STOX2: variants seen among roughly 807,000 people sequenced by gnomAD.
The protein encoded by STOX2 is storkhead box 2.
Under a neutral mutation model 60.9 loss-of-function variants are expected in STOX2, and 28 were observed. That is an observed-to-expected ratio of 0.46 (90% CI 0.34 to 0.63). The LOEUF (loss-of-function observed/expected upper bound fraction) is 0.63. STOX2 is among the 30% of genes least tolerant of loss of function. The probability of loss-of-function intolerance (pLI) is 0.01; values close to 1 mark genes in which losing one functional copy is unlikely to be tolerated. For missense variants in STOX2, 1,024 were observed against 1,187.7 expected (o/e 0.86, Z 2.03); for synonymous variants, 472 against 463.9 (o/e 1.02, Z -0.22).
intron 1 of STOX2, among the ~76,000 whole-genome samples, chr4:183,963,952 T>A (rs923231805): frequency 6.0e-5 from 9 of 150,594 alleles, no homozygotes. Flanking sequence ...ATTTTTTGTA[T>A]TTTTAGTAGA....
At chr4:183,869,309 A>G (rs7680563) in intron 1 of STOX2, among the ~76,000 whole-genome samples, 148,674 of 152,332 alleles carry the variant, frequency 0.98, 72,652 homozygotes, top group East Asian at 1. Flanking sequence ...ACTGACTGTC[A>G]TTGAGAGCTG....
chr4:183,966,445 T>C (rs1035565748), intron 1 of STOX2, among the ~76,000 whole-genome samples: 2 of 152,262 alleles, frequency 1.3e-5, no homozygotes, highest in African/African-American at 4.8e-5. Flanking sequence ...CACAGTGCCC[T>C]GAGTCAGTTC....
rs1740543767 is a variant in STOX2, at chr4:183,865,508, G to C, written c.364+67453G>C. 1.3e-5 allele frequency among the ~76,000 whole-genome samples: 2 copies of C among 152,150 alleles called. No homozygotes were observed. Among genetic ancestry groups the C allele is most frequent in the Admixed American group, 1.3e-4 (2 of 15,286 alleles). Reference sequence around the variant, plus strand: ...GCTTACGGTCTGTTTGGGGAGATAAGTATTATAATACAATTTAATAAAAGA... The same window carrying C: ...GCTTACGGTCTGTTTGGGGAGATAACTATTATAATACAATTTAATAAAAGA... On this transcript the variant is annotated intron_variant, in intron 1 of 2. Transcript: ENST00000513034. This position sits in a 1 kb window ranked among gnomAD's most constrained non-coding sequence, Gnocchi z 4.1.
intron 1 of STOX2, among the ~76,000 whole-genome samples, chr4:183,891,943 T>G (rs920308381): frequency 3.9e-5 from 6 of 152,238 alleles, no homozygotes; most frequent in African/African-American, 1.4e-4. Flanking sequence ...TGGTTGCTTT[T>G]GTTTTCCCCA....
chr4:183,854,791 C>T (rs1381073711), intron 1 of STOX2, among the ~76,000 whole-genome samples: 1 of 152,144 alleles, frequency 6.6e-6, no homozygotes, highest in Non-Finnish European at 1.5e-5. Flanking sequence ...TTGGAGAAGT[C>T]AGCCAATTAT....
At chr4:183,980,266 A>G (rs1451669654) in intron 1 of STOX2, among the ~76,000 whole-genome samples, 1 of 152,182 alleles carries the variant, frequency 6.6e-6, no homozygotes, top group Non-Finnish European at 1.5e-5. Context: ...TTAGTAGGAG[A>G]GTAGAAGTTT....
Position 184,011,675 on chromosome 4 carries a change from C to A in STOX2, c.2585+252C>A, listed in dbSNP as rs1312396927. On this transcript the variant is annotated intron_variant, in intron 3 of 3. Transcript: ENST00000308497. This position sits in a 1 kb window ranked among gnomAD's most constrained non-coding sequence, Gnocchi z 4.4. The stretch of plus-strand genomic sequence containing the variant: ...CCCCTCAAACTTGCATCAGTCTGAT[C>A]TAACTAAAACCAATATTTCCAGTAT... The A allele has an allele frequency of 3.6e-6, 5 of 1,399,174 alleles. No individual in the cohort carries two copies. The highest frequency in any genetic ancestry group is 2.9e-5 in the African/African-American group (2 of 69,166). The allele number at this position is 1,399,174 out of a possible 1,614,324, so 86.7% of individuals were successfully genotyped here.
chr4:183,838,043 CAG>C (rs1739758225), intron 1 of STOX2, among the ~76,000 whole-genome samples: 1 of 152,074 alleles, frequency 6.6e-6, no homozygotes, highest in South Asian at 2.1e-4. Context: ...AAAATTAAAA[CAG>C]AAAATCACCG....
chr4:183,898,812 A>G (rs1741398784), intron 1 of STOX2, among the ~76,000 whole-genome samples: 1 of 152,180 alleles, frequency 6.6e-6, no homozygotes. Flanking sequence ...TCCTGAGTGG[A>G]TTTGGCAGTG....
intron 1 of STOX2, among the ~76,000 whole-genome samples, chr4:183,814,764 T>C (rs2111104175): frequency 6.6e-6 from 1 of 152,314 alleles, no homozygotes. Flanking sequence ...ATTCCGTTTG[T>C]TGGGTACAAC....
intron 1 of STOX2, chr4:183,853,479 A>C (rs1740216229): frequency 6.6e-6 from 1 of 152,220 alleles, no homozygotes. Context: ...AATGAATTGC[A>C]TTAGGATTTA....
At chr4:183,948,325 C>T (rs1220094070) in intron 1 of STOX2, among the ~76,000 whole-genome samples, 1 of 145,998 alleles carries the variant, frequency 6.8e-6, no homozygotes, top group Non-Finnish European at 1.5e-5. Context: ...AATAGAGAAT[C>T]AATTTTTAGG....
In STOX2 at chr4:184,011,889, C is replaced by T. The variant is rs1466906511; in HGVS notation, c.2585+466C>T. On this transcript the variant is annotated intron_variant, in intron 3 of 3. Transcript: ENST00000308497. This position sits in a 1 kb window ranked among gnomAD's most constrained non-coding sequence, Gnocchi z 4.4. ...AAAATATAATAGCAGATCTCAAAAC[C>T]TCTCCAATGGATCTAGAAGCTTGTT... is the stretch of plus-strand genomic sequence containing the variant. 6.6e-6 allele frequency among the ~76,000 whole-genome samples: 1 copy of T among 152,132 alleles called. No individual in the cohort carries two copies. Among genetic ancestry groups the T allele is most frequent in the Admixed American group, 6.5e-5 (1 of 15,274 alleles).
chr4:183,930,014 TC>T (rs1560888383), intron 1 of STOX2, among the ~76,000 whole-genome samples: 9 of 151,310 alleles, frequency 5.9e-5, no homozygotes, highest in East Asian at 2.0e-4. Flanking sequence ...TGGGCGCCCC[TC>T]ACCACGCCTG....
At chr4:183,869,883 T>C (rs1405536569) in intron 1 of STOX2, among the ~76,000 whole-genome samples, 3 of 152,230 alleles carry the variant, frequency 2.0e-5, no homozygotes, top group African/African-American at 7.2e-5. Context: ...TCTTGCTTCT[T>C]TTTTGTACTG....
At chr4:183,930,407 C>T (rs553826413) in intron 1 of STOX2, among the ~76,000 whole-genome samples, 107 of 152,130 alleles carry the variant, frequency 7.0e-4, no homozygotes, top group Non-Finnish European at 1.3e-3. Flanking sequence ...GTCTGGAGTG[C>T]AGTGGCACGA....
intron 1 of STOX2, among the ~76,000 whole-genome samples, chr4:183,960,554 T>C (rs1345192776): frequency 6.6e-6 from 1 of 152,202 alleles, no homozygotes; most frequent in Non-Finnish European, 1.5e-5. Flanking sequence ...AACATTTCAT[T>C]TGATTGCTGG....
At chr4:183,807,892 T>C (rs750482597) in intron 1 of STOX2, among the ~76,000 whole-genome samples, 1 of 152,178 alleles carries the variant, frequency 6.6e-6, no homozygotes, top group Admixed American at 6.5e-5. Context: ...AGCGGAAGGC[T>C]CTTGCTGGGA....
intron 1 of STOX2, among the ~76,000 whole-genome samples, chr4:183,878,648 C>T (rs1246884233): frequency 2.0e-5 from 3 of 152,180 alleles, no homozygotes; most frequent in African/African-American, 4.8e-5. Context: ...TTCTGTATAA[C>T]GACCTCTTCA....
Sources: gnomAD v4.1 joint callset for allele counts (sites outside exome capture counted in the v4.1 genomes callset) on GRCh38, gnomAD v4.1.1 for gene constraint, Gnocchi (gnomAD v3.1) non-coding constraint, MANE v1.5 for transcripts, NCBI Gene and HGNC (gene_info 2026-07-23, HGNC 2026-07-21) for gene names.